The following SGCZ variants were observed in gnomAD, a reference collection of about 807,000 sequenced individuals.
The protein encoded by SGCZ is zeta-sarcoglycan.
SGCZ carries 40 observed loss-of-function variants against 41.3 expected under a neutral mutation model. The observed-to-expected ratio is 0.97, with a 90% CI of 0.75 to 1.26. SGCZ has a LOEUF of 1.26. Among genes scored for constraint, SGCZ ranks in the 50% most tolerant of loss-of-function variants. The pLI is 0.00. For missense variants in SGCZ, 552 were observed against 369.8 expected (o/e 1.49, Z -4.04); for synonymous variants, 206 against 137.5 (o/e 1.50, Z -3.49).
intron 2 of SGCZ, among the ~76,000 whole-genome samples, chr8:14,352,312 G>A (rs1454803168): frequency 6.6e-6 from 1 of 152,068 alleles, no homozygotes; most frequent in Admixed American, 6.6e-5. Context: ...CGTATAAGGA[G>A]TAGAGTGTAA....
At chr8:14,621,239 A>G (rs1806274652) in intron 1 of SGCZ, among the ~76,000 whole-genome samples, 1 of 140,226 alleles carries the variant, frequency 7.1e-6, no homozygotes, top group South Asian at 2.3e-4. Context: ...TTGAACAATG[A>G]GAACACTTGG....
chr8:14,236,703 C>A (rs183951982), intron 4 of SGCZ, among the ~76,000 whole-genome samples: 1 of 151,356 alleles, frequency 6.6e-6, no homozygotes, highest in Non-Finnish European at 1.5e-5. Flanking sequence ...TAGAGATAAA[C>A]AGATATGTAA....
At chr8:14,844,657 A>G (rs1803040995) in intron 1 of SGCZ, among the ~76,000 whole-genome samples, 1 of 152,200 alleles carries the variant, frequency 6.6e-6, no homozygotes, top group African/African-American at 2.4e-5. Flanking sequence ...CCTAAAGATG[A>G]CTAATACAGC....
intron 1 of SGCZ, among the ~76,000 whole-genome samples, chr8:14,558,589 A>AGG: frequency 6.8e-6 from 1 of 146,910 alleles, no homozygotes; most frequent in Admixed American, 6.9e-5. Flanking sequence ...AGAGAGAGAG[A>AGG]GAGAGAGAGA....
intron 3 of SGCZ, among the ~76,000 whole-genome samples, chr8:14,303,724 A>T (rs1559901): frequency 6.6e-6 from 1 of 151,776 alleles, no homozygotes; most frequent in Admixed American, 6.6e-5. Context: ...ATCTCTCTCT[A>T]TATATATATA....
At chr8:14,906,851 A>G (rs959682254) in intron 1 of SGCZ, among the ~76,000 whole-genome samples, 1 of 152,190 alleles carries the variant, frequency 6.6e-6, no homozygotes, top group Non-Finnish European at 1.5e-5. Flanking sequence ...CTTTCTAAGG[A>G]GTATATATCA....
At chr8:14,143,968 G>C (rs1803448913) in intron 5 of SGCZ, among the ~76,000 whole-genome samples, 1 of 152,150 alleles carries the variant, frequency 6.6e-6, no homozygotes, top group South Asian at 2.1e-4. Context: ...TAACAAGGCA[G>C]GAATCACCAA....
At chr8:14,226,407 C>T (rs1321473089) in intron 4 of SGCZ, among the ~76,000 whole-genome samples, 2 of 152,062 alleles carry the variant, frequency 1.3e-5, no homozygotes, top group Non-Finnish European at 2.9e-5. Flanking sequence ...TCCCCCATAC[C>T]ATCCCTGTGA....
At chr8:14,187,644 T>A (rs992726305) in intron 4 of SGCZ, among the ~76,000 whole-genome samples, 1 of 151,124 alleles carries the variant, frequency 6.6e-6, no homozygotes, top group Non-Finnish European at 1.5e-5. Context: ...ATATTAAAGA[T>A]AATAGAGATT....
intron 2 of SGCZ, among the ~76,000 whole-genome samples, chr8:14,508,908 G>A (rs1802386409): frequency 6.6e-6 from 1 of 151,962 alleles, no homozygotes; most frequent in African/African-American, 2.4e-5. Flanking sequence ...GATAATAGAA[G>A]GATATTTTAA....
intron 1 of SGCZ, among the ~76,000 whole-genome samples, chr8:14,702,527 A>G (rs1585194026): frequency 6.6e-6 from 1 of 152,026 alleles, no homozygotes; most frequent in East Asian, 1.9e-4. Flanking sequence ...ATACTTCCAC[A>G]TGAATAACTA....
At chr8:14,415,833 T>C (rs573805985) in intron 2 of SGCZ, among the ~76,000 whole-genome samples, 2 of 152,074 alleles carry the variant, frequency 1.3e-5, no homozygotes, top group African/African-American at 4.8e-5. Context: ...GATCAGTGCA[T>C]TGAATACACA....
At chr8:14,291,350 C>T (rs1800835139) in intron 3 of SGCZ, among the ~76,000 whole-genome samples, 1 of 151,770 alleles carries the variant, frequency 6.6e-6, no homozygotes, top group Non-Finnish European at 1.5e-5. Flanking sequence ...GATAGATATG[C>T]TAATTACCTT....
chr8:15,045,563 G>A (rs775113920), intron 1 of SGCZ, among the ~76,000 whole-genome samples: 1 of 152,042 alleles, frequency 6.6e-6, no homozygotes, highest in Non-Finnish European at 1.5e-5. Context: ...TGATAAAGTA[G>A]TTCCAAGATT....
chr8:15,006,028 A>G (rs966127091), intron 1 of SGCZ, among the ~76,000 whole-genome samples: 4 of 152,190 alleles, frequency 2.6e-5, no homozygotes, highest in African/African-American at 9.7e-5. Context: ...TTATTTTGTC[A>G]TTGACGGTAA....
intron 1 of SGCZ, among the ~76,000 whole-genome samples, chr8:15,227,502 AAAC>A (rs1358652945): frequency 1.3e-5 from 2 of 152,204 alleles, no homozygotes; most frequent in East Asian, 1.9e-4. Flanking sequence ...CTTAAAGAGG[AAAC>A]AACATCAGTT....
intron 1 of SGCZ, among the ~76,000 whole-genome samples, chr8:14,633,605 T>A (rs1585141255): frequency 6.6e-6 from 1 of 151,936 alleles, no homozygotes; most frequent in East Asian, 1.9e-4. Context: ...GGAAATCCAC[T>A]GACTACAACA....
intron 1 of SGCZ, among the ~76,000 whole-genome samples, chr8:14,800,091 G>A (rs1308835063): frequency 6.6e-6 from 1 of 151,480 alleles, no homozygotes; most frequent in African/African-American, 2.4e-5. Context: ...ATATTCTTCA[G>A]GATTAAATCT....
In SGCZ at chr8:14,805,081, G is replaced by A. The variant is rs1424633650; in HGVS notation, c.40-250155C>T. 2.3e-3 allele frequency among the ~76,000 whole-genome samples: 287 copies of A among 126,914 alleles called. 1 individual carries two copies. The highest frequency in any genetic ancestry group is 8.3e-3 in the African/African-American group (265 of 31,806). 83.3% of individuals were successfully genotyped at this position (126,914 alleles called of 152,430 possible). On this transcript the variant is annotated intron_variant, in intron 1 of 7. Transcript: ENST00000382080. ...CCCTACAAGAGCTCCTGAAGGAAGC[G>A]CTAAACATGGAAAGGAACAACCGGT...
Sources: allele counts gnomAD v4.1 joint callset (sites outside exome capture counted in the v4.1 genomes callset), GRCh38; gene constraint gnomAD v4.1.1; transcripts MANE v1.5; gene names NCBI Gene and HGNC (gene_info 2026-07-23, HGNC 2026-07-21).